The following ATP10A variants were observed in gnomAD, a reference collection of about 807,000 sequenced individuals.
ATP10A encodes the protein ATPase phospholipid transporting 10A (putative), also known as phospholipid-transporting ATPase VA.
ATP10A carries 111 observed loss-of-function variants against 147.8 expected under a neutral mutation model. That is an observed-to-expected ratio of 0.75 (90% confidence interval 0.64 to 0.88). The LOEUF (loss-of-function observed/expected upper bound fraction) is 0.88, where lower values mean the gene tolerates loss of function less well. Among genes scored for constraint, ATP10A ranks in the 40% least tolerant of loss-of-function variants. The probability of loss-of-function intolerance (pLI) is 0.00; values close to 1 mark genes in which losing one functional copy is unlikely to be tolerated. For synonymous variants in ATP10A, 875 were observed against 841.6 expected (o/e 1.04, Z -0.69); for missense variants, 1,927 against 1,959.0 (o/e 0.98, Z 0.31).
intron 3 of ATP10A, among the ~76,000 whole-genome samples, chr15:25,735,230 CT>C: frequency 6.6e-6 from 1 of 152,304 alleles, no homozygotes; most frequent in South Asian, 2.1e-4. Context: ...CGTCATGCCC[CT>C]GTCACAGCCT....
Position 25,702,027 on chromosome 15 carries a change from C to A in ATP10A, c.2649G>T (p.Leu883=). ...TGTCACCAGTGAGAACCCAAATCTG[C>A]AGGCCCGCTTGACGCAATTTAGAAA... ...ETISKLRQAG[L]QIWVLTGDKQ... Residue 883 remains leucine (L), a synonymous_variant, in exon 13 of 21, where the codon CTG becomes CTT. Transcript: ENST00000555815. The A allele has an allele frequency of 1.9e-6, 3 of 1,614,200 alleles. No homozygotes were observed. The African/African-American group carries it at 4.0e-5, about 22-fold the overall frequency.
intron 1 of ATP10A, among the ~76,000 whole-genome samples, chr15:25,822,398 T>C (rs1891929674): frequency 6.6e-6 from 1 of 152,194 alleles, no homozygotes; most frequent in Non-Finnish European, 1.5e-5. Flanking sequence ...ATATGTAACT[T>C]TGGGACAGGT....
intron 1 of ATP10A, among the ~76,000 whole-genome samples, chr15:25,860,621 G>C (rs187180246): frequency 1.3e-5 from 2 of 152,292 alleles, no homozygotes; most frequent in African/African-American, 4.8e-5. Flanking sequence ...AGAAGACAGA[G>C]TCTGAGGGAG....
intron 10 of ATP10A, among the ~76,000 whole-genome samples, chr15:25,712,067 C>A (rs1463374235): frequency 6.6e-6 from 1 of 152,200 alleles, no homozygotes; most frequent in East Asian, 1.9e-4. Context: ...GCTCTATCCA[C>A]TCTGGGAAGG....
At chr15:25,736,810 A>C (rs1887313112) in intron 2 of ATP10A, among the ~76,000 whole-genome samples, 2 of 152,236 alleles carry the variant, frequency 1.3e-5, no homozygotes, top group South Asian at 4.1e-4. Flanking sequence ...AACGAGCACA[A>C]TTAGTGGATT....
chr15:25,754,103 C>T (rs1044169774), intron 2 of ATP10A, among the ~76,000 whole-genome samples: 15 of 152,118 alleles, frequency 9.9e-5, no homozygotes, highest in Admixed American at 5.9e-4. Context: ...CATTCATGTG[C>T]TGCGGTTTTT....
intron 6 of ATP10A, among the ~76,000 whole-genome samples, chr15:25,722,620 A>G (rs1902313388): frequency 1.3e-5 from 2 of 152,240 alleles, no homozygotes; most frequent in Non-Finnish European, 2.9e-5. Context: ...AAGTACGTTA[A>G]TCAAACACCA....
chr15:25,727,213 C>T lies in ATP10A; in HGVS notation c.794G>A (p.Arg265Lys). 6.2e-7 allele frequency: 1 copy of T among 1,613,824 alleles called. No individual in the cohort carries two copies. The highest frequency in any genetic ancestry group is 8.5e-7 in the Non-Finnish European group (1 of 1,179,886). ...GTCCGTGTTCCTAAGGGTGCAGCCCCTCAGCAGCAGGTTTTCTTTATACAG... is the reference window on the plus strand; with the variant it reads ...GTCCGTGTTCCTAAGGGTGCAGCCCTTCAGCAGCAGGTTTTCTTTATACAG... ...AGLYKENLLL[R>K]GCTLRNTDAV... Residue 265 changes from arginine (R) to lysine (K), a missense_variant, in exon 4 of 21, where the codon AGG (arginine) becomes AAG (lysine). Transcript: ENST00000555815.
chr15:25,812,233 C>T (rs1389709874), intron 1 of ATP10A, among the ~76,000 whole-genome samples: 6 of 152,176 alleles, frequency 3.9e-5, no homozygotes, highest in Admixed American at 2.0e-4. Context: ...AGCACAGTAT[C>T]AATCACACTT....
At chr15:25,713,000 T>C (rs1271467273) in intron 10 of ATP10A, among the ~76,000 whole-genome samples, 2 of 152,180 alleles carry the variant, frequency 1.3e-5, no homozygotes, top group Non-Finnish European at 2.9e-5. Flanking sequence ...AACCGGCTTA[T>C]AGCATTTCCC....
At chr15:25,863,378 G>A (rs539819066), upstream of ATP10A, among the ~76,000 whole-genome samples, 866 of 151,878 alleles carry the variant, frequency 5.7e-3, 6 homozygotes, top group African/African-American at 0.011. Flanking sequence ...CCCCCGGCCC[G>A]GGTCGTTTCC....
chr15:25,777,196 G>A (rs1461991312), intron 2 of ATP10A, among the ~76,000 whole-genome samples: 6 of 147,310 alleles, frequency 4.1e-5, no homozygotes, highest in East Asian at 2.0e-4. Flanking sequence ...CTCTCAGTCC[G>A]GGGTACCCTG....
intron 16 of ATP10A, among the ~76,000 whole-genome samples, chr15:25,685,824 T>TA (rs34929669): frequency 1.8e-3 from 250 of 139,318 alleles, no homozygotes; most frequent in South Asian, 2.1e-3. Flanking sequence ...ACCCTGTCTT[T>TA]AAAAAAAAAA....
rs930303706 is a variant in ATP10A at position 25,720,471 on chromosome 15, G to A, written c.1363+1186C>T. Among the ~76,000 whole-genome samples, 6 of 152,242 alleles carry A rather than the reference G, an allele frequency of 3.9e-5. No individual in the cohort carries two copies. The South Asian group carries it at 6.2e-4, about 16-fold the overall frequency. The stretch of plus-strand genomic sequence containing the variant: ...AGGGCTGCTGTAGAACCGACTGCCC[G>A]GGTCTCTGATCCCCTCAGGACTCTG... On this transcript the variant is annotated intron_variant, in intron 7 of 20. Coordinates refer to ENST00000555815, the MANE Select transcript of ATP10A (RefSeq NM_024490.4).
chr15:25,726,479 T>C (rs1331674794), intron 4 of ATP10A, among the ~76,000 whole-genome samples: 1 of 151,558 alleles, frequency 6.6e-6, no homozygotes, highest in Non-Finnish European at 1.5e-5. Flanking sequence ...TCTTACTCTG[T>C]TGCCCAGGCT....
At position 25,721,873 on chromosome 15, in the gene ATP10A, T is replaced by C. The variant is rs1902254831; in HGVS notation, c.1147A>G (p.Ile383Val). Residue 383 changes from isoleucine to valine, a missense_variant, in exon 7 of 21, where the codon ATT becomes GTT. By Grantham distance (29) the Ile-to-Val change is conservative. Coordinates refer to ENST00000555815, the MANE Select transcript of ATP10A (RefSeq NM_024490.4). ...IPISLYVSIEIVKACQVYFIN... is the reference protein window; with the variant it reads ...IPISLYVSIEVVKACQVYFIN... ...AAGTACACTTGGCATGCTTTAACAATTTCAATGGAAACGTATAAGGAAATT... is the reference window on the plus strand; with the variant it reads ...AAGTACACTTGGCATGCTTTAACAACTTCAATGGAAACGTATAAGGAAATT... 6.2e-7 allele frequency: 1 copy of C among 1,613,772 alleles called. No homozygotes were observed. The highest frequency in any genetic ancestry group is 1.7e-5 in the Admixed American group (1 of 59,986).
At chr15:25,829,034 A>G (rs906889026) in intron 1 of ATP10A, among the ~76,000 whole-genome samples, 5 of 152,218 alleles carry the variant, frequency 3.3e-5, no homozygotes, top group Admixed American at 1.3e-4. Flanking sequence ...GGAGGGGGTA[A>G]CAGACACACA....
chr15:25,751,974 T>C (rs1888178613), intron 2 of ATP10A, among the ~76,000 whole-genome samples: 1 of 132,564 alleles, frequency 7.5e-6, no homozygotes, highest in Non-Finnish European at 1.5e-5. Flanking sequence ...TTTGCTATCC[T>C]ACCTGTCAGA....
At chr15:25,696,041 G>T (rs919674519) in intron 13 of ATP10A, among the ~76,000 whole-genome samples, 11 of 152,306 alleles carry the variant, frequency 7.2e-5, no homozygotes, top group African/African-American at 2.4e-4. Context: ...ATCAGGGGCA[G>T]GAGCTGGAGG....
Sources: allele counts gnomAD v4.1 joint callset (sites outside exome capture counted in the v4.1 genomes callset), GRCh38; gene constraint gnomAD v4.1.1; transcripts MANE v1.5; gene names NCBI Gene and HGNC (gene_info 2026-07-23, HGNC 2026-07-21).